NEB: variants seen among roughly 807,000 people sequenced by gnomAD.
The protein encoded by NEB is nemaline myopathy type 2.
In NEB, 512 loss-of-function variants were observed where a neutral mutation model predicts 952.2. The ratio of observed to expected loss-of-function variants is 0.54; its 90% CI spans 0.50 to 0.58. The LOEUF is 0.58. Among genes scored for constraint, NEB ranks in the 20% least tolerant of loss-of-function variants. The probability of loss-of-function intolerance (pLI) is 0.00; values close to 1 mark genes in which losing one functional copy is unlikely to be tolerated. For missense variants in NEB, 8,428 were observed against 9,231.1 expected (o/e 0.91, Z 3.56); for synonymous variants, 2,900 against 3,149.8 (o/e 0.92, Z 2.66).
Position 151,671,082 on chromosome 2 carries a change from T to C in NEB, c.4447A>G (p.Ser1483Gly), listed in dbSNP as rs2099279492. ...RQHPDTVKFT[S>G]VPDSMGMVLA... ...ACCATGCCCATGGAATCAGGCACAC[T>C]TGTGAACTTGACGGTATCTGGGTGC... is the stretch of plus-strand genomic sequence containing the variant. Residue 1483 changes from serine (S) to glycine (G), a missense_variant, in exon 38 of 182, where the codon AGT becomes GGT. By Grantham distance (56) the Ser-to-Gly change is moderately conservative (BLOSUM62 0). Around this residue, in one of 11 missense-constraint regions of NEB, gnomAD observed 2,851 missense variants for 2,791.5 expected, o/e 1.02. Coordinates refer to ENST00000397345, the MANE Select transcript of NEB (RefSeq NM_001164508.2). The C allele has an allele frequency of 6.2e-7, 1 of 1,613,912 alleles. No homozygotes were observed. The highest frequency in any genetic ancestry group is 1.3e-5 in the African/African-American group (1 of 74,948).
intron 5 of NEB, among the ~76,000 whole-genome samples, chr2:151,727,357 G>C (rs1021470435): frequency 1.3e-5 from 2 of 152,130 alleles, no homozygotes; most frequent in African/African-American, 4.8e-5. Context: ...ATGTTAAGTA[G>C]CTTCTGTGAA....
chr2:151,527,885 CT>C (rs1182150151), intron 146 of NEB, among the ~76,000 whole-genome samples: 1 of 152,162 alleles, frequency 6.6e-6, no homozygotes, highest in African/African-American at 2.4e-5. Flanking sequence ...GAATCGAGTA[CT>C]TTTAATTTCA....
At chr2:151,690,035 A>G (rs2099535697) in intron 24 of NEB, 1 of 152,396 alleles carries the variant, frequency 6.6e-6, no homozygotes. Context: ...TAGCCTACCA[A>G]TCACAGCATC....
chr2:151,557,233 T>C (rs1206423727), intron 124 of NEB, among the ~76,000 whole-genome samples: 1 of 152,114 alleles, frequency 6.6e-6, no homozygotes, highest in South Asian at 2.1e-4. Flanking sequence ...GAGAATACTA[T>C]AAACACCTCT....
chr2:151,531,743 G>T, intron 144 of NEB, 49 bp downstream of exon 144: 1 of 1,377,972 alleles, frequency 7.3e-7, no homozygotes, highest in Non-Finnish European at 1.0e-6. Context: ...CTCCATGTTT[G>T]CAGATGCCCC....
Position 151,610,529 on chromosome 2 carries a change from T to A in NEB, c.12005A>T (p.Asp4002Val). 1 of 1,610,280 alleles carries A rather than the reference T, an allele frequency of 6.2e-7. No individual in the cohort carries two copies. Among genetic ancestry groups the A allele is most frequent in the Non-Finnish European group, 8.5e-7 (1 of 1,176,562 alleles). ...GAAGGTACTCACGTCACTGGCGATGTCCCTGGAGGCCTTGGCACTTTTGAT... is the reference window on the plus strand; with the variant it reads ...GAAGGTACTCACGTCACTGGCGATGACCCTGGAGGCCTTGGCACTTTTGAT... ...ISIKSAKASR[D>V]IASDYKYKEA... Residue 4002 changes from aspartate (D) to valine (V), a missense_variant, in exon 80 of 182, where the codon GAC (aspartate) becomes GTC (valine). This residue lies in a region of NEB where 337 missense variants were observed against 297.5 expected (regional missense o/e 1.13). Transcript: ENST00000397345.
chr2:151,649,939 A>G (rs1280908093), intron 54 of NEB, among the ~76,000 whole-genome samples: 2 of 152,174 alleles, frequency 1.3e-5, no homozygotes, highest in East Asian at 3.8e-4. Flanking sequence ...TCATTTTCCC[A>G]TTATATTTTG....
intron 165 of NEB, among the ~76,000 whole-genome samples, chr2:151,504,420 G>A (rs1169772977): frequency 2.0e-5 from 3 of 152,194 alleles, no homozygotes; most frequent in Admixed American, 2.0e-4. Context: ...GTAATGCAAA[G>A]TGACAAAGGA....
intron 29 of NEB, among the ~76,000 whole-genome samples, chr2:151,682,416 A>G (rs1294458582): frequency 6.6e-6 from 1 of 152,258 alleles, no homozygotes; most frequent in East Asian, 1.9e-4. Flanking sequence ...TGGTTAACGT[A>G]AATGGTTAAC....
At chr2:151,659,357 T>G (rs1038018497) in intron 46 of NEB, among the ~76,000 whole-genome samples, 188 bp from the exon 47 acceptor site, 1 of 152,118 alleles carries the variant, frequency 6.6e-6, no homozygotes, top group African/African-American at 2.4e-5. Flanking sequence ...AGTGCAGTAG[T>G]GCAATTATGG....
intron 53 of NEB, 21 bp from the exon 54 acceptor site, chr2:151,650,400 C>G: frequency 6.2e-7 from 1 of 1,604,924 alleles, no homozygotes; most frequent in Non-Finnish European, 8.5e-7. Flanking sequence ...ACAGAGCAAG[C>G]CATCAAAATC....
rs11681815 is a variant in NEB, at chr2:151,622,304, C to T, written c.10453-1278G>A. ...CACCCAGCCATGTTTGGTAAAGTTT[C>T]GTTTTAATACTTTCAGACATGCATC... is the stretch of plus-strand genomic sequence containing the variant. On this transcript the variant is annotated intron_variant, in intron 71 of 181. Coordinates refer to ENST00000397345, the MANE Select transcript of NEB (RefSeq NM_001164508.2). Among the ~76,000 whole-genome samples, 519 of 152,196 alleles carry T rather than the reference C, an allele frequency of 3.4e-3. 2 individuals are homozygous for T. The highest frequency in any genetic ancestry group is 6.0e-3 in the Admixed American group (91 of 15,280).
chr2:151,726,696 G>C (rs568634365), intron 5 of NEB, among the ~76,000 whole-genome samples: 1 of 152,196 alleles, frequency 6.6e-6, no homozygotes, highest in Non-Finnish European at 1.5e-5. Flanking sequence ...CTCAACCTGG[G>C]TACACATTAG....
At position 151,568,112 on chromosome 2, in the gene NEB, G is replaced by A; in HGVS notation, c.17803C>T (p.Pro5935Ser). Reference protein sequence around the residue: ...TGYILPPDAVPFVHAHHCNDV... With the variant: ...TGYILPPDAVSFVHAHHCNDV... ...TTGCAGTGATGGGCATGAACAAATG[G>A]CACAGCATCTGGAGGCAAAATGTAA... Residue 5935 changes from proline (P) to serine (S), a missense_variant, in exon 113 of 182, where the codon CCA (proline) becomes TCA (serine). Pro to Ser is a moderately conservative substitution (Grantham distance 74). This residue lies in a region of NEB where 3,374 missense variants were observed against 3,651.5 expected (regional missense o/e 0.92). Coordinates refer to ENST00000397345, the MANE Select transcript of NEB (RefSeq NM_001164508.2). 6.2e-7 allele frequency: 1 copy of A among 1,613,678 alleles called. No individual in the cohort carries two copies. The highest frequency in any genetic ancestry group is 8.5e-7 in the Non-Finnish European group (1 of 1,179,730).
chr2:151,618,334 T>C lies in NEB; in HGVS notation c.11017A>G (p.Ser3673Gly). ...ACCTGCTCCGGAGTGTCCGTTATAC[T>C]GGTAAATTTCAGCGTTTCTGGACGC... ...RQRPETLKFT[S>G]ITDTPEQVLA... Residue 3673 changes from serine (S) to glycine (G), a missense_variant, in exon 74 of 182, where the codon AGT (serine) becomes GGT (glycine). By Grantham distance (56) the Ser-to-Gly change is moderately conservative. Around this residue, in one of 11 missense-constraint regions of NEB, gnomAD observed 1,772 missense variants for 1,960.3 expected, o/e 0.90. Coordinates refer to ENST00000397345, the MANE Select transcript of NEB (RefSeq NM_001164508.2). The C allele has an allele frequency of 6.2e-7, 1 of 1,614,006 alleles. No individual in the cohort carries two copies. The highest frequency in any genetic ancestry group is 8.5e-7 in the Non-Finnish European group (1 of 1,179,866).
intron 121 of NEB, among the ~76,000 whole-genome samples, chr2:151,561,846 T>C (rs368644406): frequency 2.6e-5 from 4 of 152,170 alleles, no homozygotes. Context: ...GTACAGATGC[T>C]TGAGAGTAGT....
At position 151,497,565 on chromosome 2, in the gene NEB, A is replaced by AAATC. The variant is rs1209881884; in HGVS notation, c.24300+57_24300+60dup. 5.3e-5 allele frequency: 81 copies of AAATC among 1,532,548 alleles called. 1 individual carries two copies. In the South Asian group the frequency reaches 8.8e-4, roughly 17 times the overall value. 94.9% of individuals were successfully genotyped at this position (1,532,548 alleles called of 1,614,324 possible). ...AAGTAGGATTAATACGTATTATTTT[A>AAATC]AATCATGAAAGTTTTCAAAATCATT... On this transcript the variant is annotated intron_variant, in intron 171 of 181. Coordinates refer to ENST00000397345, the MANE Select transcript of NEB (RefSeq NM_001164508.2).
At chr2:151,567,510 G>C in intron 113 of NEB, 31 bp from the exon 114 acceptor site, 1 of 1,556,516 alleles carries the variant, frequency 6.4e-7, no homozygotes, top group Non-Finnish European at 8.7e-7. Context: ...AATTCCATCA[G>C]TTTTGACAAG....
At chr2:151,659,457 T>C (rs534840784) in intron 46 of NEB, among the ~76,000 whole-genome samples, 2 of 152,106 alleles carry the variant, frequency 1.3e-5, no homozygotes, top group South Asian at 2.1e-4. Context: ...TGCACTACCA[T>C]GCCTGGCTAA....
Sources: gnomAD v4.1 joint callset for allele counts (sites outside exome capture counted in the v4.1 genomes callset) on GRCh38, gnomAD v4.1.1 for gene constraint, gnomAD v4.1.1 regional missense constraint, MANE v1.5 for transcripts, NCBI Gene and HGNC (gene_info 2026-07-23, HGNC 2026-07-21) for gene names.